IL20RB: variants seen among roughly 807,000 people sequenced by gnomAD.
IL20RB encodes the protein interleukin-20 receptor subunit beta.
In IL20RB, 21 loss-of-function variants were observed where a neutral mutation model predicts 33.3. The ratio of observed to expected loss-of-function variants is 0.63; its 90% confidence interval spans 0.45 to 0.91. The LOEUF is 0.91. Ranked by LOEUF, IL20RB falls within the 40% of genes least tolerant of loss-of-function variation. The pLI is 0.00. For missense variants in IL20RB, 345 were observed against 384.8 expected, an observed-to-expected ratio of 0.90 and a Z score of 0.86; for synonymous variants, 147 against 146.8, an observed-to-expected ratio of 1.00 and a Z score of -0.01.
chr3:137,003,869 G>C (rs996059284), intron 6 of IL20RB, among the ~76,000 whole-genome samples: 14 of 152,190 alleles, frequency 9.2e-5, no homozygotes, highest in Admixed American at 3.9e-4. Flanking sequence ...TCCAGTTTTT[G>C]CCCATTCAGT....
At chr3:136,994,518 C>T (rs924206543) in intron 5 of IL20RB, among the ~76,000 whole-genome samples, 10 of 152,150 alleles carry the variant, frequency 6.6e-5, no homozygotes, top group African/African-American at 2.4e-5. Context: ...ATCATGGAAA[C>T]AATGTACAGT....
intron 1 of IL20RB, among the ~76,000 whole-genome samples, chr3:136,973,113 T>C (rs1445566054): frequency 6.6e-6 from 1 of 152,192 alleles, no homozygotes; most frequent in Non-Finnish European, 1.5e-5. Context: ...TACACCAGTT[T>C]AAGTTTTTCT....
chr3:137,001,164 G>A (rs537247921), intron 6 of IL20RB, among the ~76,000 whole-genome samples: 59 of 152,182 alleles, frequency 3.9e-4, no homozygotes, highest in Non-Finnish European at 6.6e-4. Context: ...AAGACTCTGT[G>A]ACAGTATGAC....
chr3:136,976,847 G>A (rs912879971), intron 1 of IL20RB, among the ~76,000 whole-genome samples: 2 of 152,170 alleles, frequency 1.3e-5, no homozygotes, highest in African/African-American at 2.4e-5. Context: ...CCCTTCCTGG[G>A]ACAATTTTGT....
chr3:136,970,173 G>C (rs996887914), intron 1 of IL20RB, among the ~76,000 whole-genome samples: 1 of 151,768 alleles, frequency 6.6e-6, no homozygotes, highest in Admixed American at 6.6e-5. Flanking sequence ...GCTCACTGCG[G>C]TCTCAACCTC....
At chr3:136,997,925 C>T (rs9682332) in intron 6 of IL20RB, among the ~76,000 whole-genome samples, 1,841 of 151,976 alleles carry the variant, frequency 0.012, 32 homozygotes, top group African/African-American at 0.035. Context: ...TGCATGCCCC[C>T]ACACCCGGCT....
chr3:136,987,664 C>T (rs1024625789), intron 3 of IL20RB, among the ~76,000 whole-genome samples: 10 of 152,168 alleles, frequency 6.6e-5, no homozygotes, highest in African/African-American at 2.2e-4. Context: ...GAGGCTCGGG[C>T]CGCACAGGAG....
chr3:136,961,367 C>T (rs1042751673), intron 1 of IL20RB, among the ~76,000 whole-genome samples: 3 of 151,818 alleles, frequency 2.0e-5, no homozygotes, highest in Non-Finnish European at 4.4e-5. Context: ...TTTGTGGTTC[C>T]CAACCTCAAA....
chr3:137,005,211 C>T (rs569250252), intron 6 of IL20RB, among the ~76,000 whole-genome samples: 5 of 152,098 alleles, frequency 3.3e-5, no homozygotes, highest in East Asian at 3.9e-4. Flanking sequence ...AGAATAAGTG[C>T]GATATGGTGC....
At position 137,005,058 on chromosome 3, in the gene IL20RB, G is replaced by A. The variant is rs1473608868; in HGVS notation, c.826-5055G>A. On this transcript the variant is annotated intron_variant, in intron 6 of 6. Coordinates refer to ENST00000329582, the MANE Select transcript of IL20RB (RefSeq NM_144717.4). ...TCATTCAGGAGCAAGTTGTTCAGTT[G>A]CCATGTAGTTGTGTGGTTTTGAGTG... Among the ~76,000 whole-genome samples, 3 of 152,110 alleles carry A rather than the reference G, an allele frequency of 2.0e-5. No individual in the cohort carries two copies. The East Asian group carries it at 5.8e-4, about 29-fold the overall frequency.
intron 1 of IL20RB, among the ~76,000 whole-genome samples, chr3:136,979,301 G>A (rs986716304): frequency 3.9e-5 from 6 of 152,322 alleles, no homozygotes; most frequent in Non-Finnish European, 7.3e-5. Flanking sequence ...GAAACCAGGT[G>A]GGGTGTCCCC....
At chr3:137,003,299 C>A (rs1560077909) in intron 6 of IL20RB, among the ~76,000 whole-genome samples, 1 of 152,138 alleles carries the variant, frequency 6.6e-6, no homozygotes, top group Non-Finnish European at 1.5e-5. Flanking sequence ...TCTTCCAATT[C>A]TGTGAAGAAA....
intron 1 of IL20RB, among the ~76,000 whole-genome samples, chr3:136,970,315 G>A (rs1287663816): frequency 2.0e-5 from 3 of 151,876 alleles, no homozygotes; most frequent in Non-Finnish European, 4.4e-5. Flanking sequence ...GGCTGGTCTC[G>A]AACTCCTGAG....
rs563702042 is a variant in IL20RB at position 136,970,442 on chromosome 3, A to T, written c.89-10024A>T. 2.6e-5 allele frequency among the ~76,000 whole-genome samples: 4 copies of T among 152,076 alleles called. No homozygotes were observed. In the South Asian group the frequency reaches 8.3e-4, roughly 32 times the overall value. On this transcript the variant is annotated intron_variant, in intron 1 of 6. Coordinates refer to ENST00000329582, the MANE Select transcript of IL20RB (RefSeq NM_144717.4). ...ATTACTTTTGTCTGGAATTGTCAAAAAGCAGTTGAGCACATTTGTGTGGAT... is the reference window on the plus strand; with the variant it reads ...ATTACTTTTGTCTGGAATTGTCAAATAGCAGTTGAGCACATTTGTGTGGAT...
In IL20RB at chr3:136,988,244, A is replaced by G. The variant is rs534845172; in HGVS notation, c.407-1197A>G. Among the ~76,000 whole-genome samples, 897 of 152,346 alleles carry G rather than the reference A, an allele frequency of 5.9e-3. 5 individuals carry two copies. Among genetic ancestry groups the G allele is most frequent in the Non-Finnish European group, 9.4e-3 (640 of 68,026 alleles). ...ATCAGGGTGGCCCTTCTGGTCCTGCAGTATCTGGGTCTGAAAGGCAAGTAT... is the reference window on the plus strand; with the variant it reads ...ATCAGGGTGGCCCTTCTGGTCCTGCGGTATCTGGGTCTGAAAGGCAAGTAT... On this transcript the variant is annotated intron_variant, in intron 3 of 6. Coordinates refer to ENST00000329582, the MANE Select transcript of IL20RB (RefSeq NM_144717.4).
At chr3:136,963,347 AGTT>A (rs1941275814) in intron 1 of IL20RB, among the ~76,000 whole-genome samples, 1 of 152,238 alleles carries the variant, frequency 6.6e-6, no homozygotes, top group Admixed American at 6.5e-5. Context: ...CTACATGTTT[AGTT>A]TTACAAGAAA....
intron 1 of IL20RB, among the ~76,000 whole-genome samples, chr3:136,976,175 C>T (rs1005713396): frequency 4.6e-5 from 7 of 152,222 alleles, no homozygotes; most frequent in Non-Finnish European, 1.0e-4. Context: ...GTGCCCTTGT[C>T]ACCCTCCAAG....
chr3:136,975,950 A>G (rs1428566563), intron 1 of IL20RB, among the ~76,000 whole-genome samples: 1 of 152,202 alleles, frequency 6.6e-6, no homozygotes, highest in African/African-American at 2.4e-5. Flanking sequence ...GGCCCTGGAC[A>G]GCTAGCATGG....
At chr3:136,989,597 C>G in intron 4 of IL20RB, 32 bp downstream of exon 4, 2 of 1,611,532 alleles carry the variant, frequency 1.2e-6, no homozygotes, top group East Asian at 2.2e-5. Flanking sequence ...TTGGGTCAGG[C>G]TTCGGGAAAG....
Sources: allele counts gnomAD v4.1 joint callset (sites outside exome capture counted in the v4.1 genomes callset), GRCh38; gene constraint gnomAD v4.1.1; transcripts MANE v1.5; gene names NCBI Gene and HGNC (gene_info 2026-07-23, HGNC 2026-07-21).